USP37: variants seen among roughly 807,000 people sequenced by gnomAD.
USP37 encodes the protein ubiquitin carboxyl-terminal hydrolase 37.
A neutral mutation model predicts 124.0 loss-of-function variants in USP37; 27 were observed. That is an observed-to-expected ratio of 0.22 (90% CI 0.16 to 0.30). USP37 has a LOEUF of 0.30. Among genes scored for constraint, USP37 ranks in the 10% least tolerant of loss-of-function variants. The pLI is 1.00. For missense variants in USP37, 889 were observed against 1,140.4 expected, an observed-to-expected ratio of 0.78 and a Z score of 3.17; for synonymous variants, 365 against 388.0, an observed-to-expected ratio of 0.94 and a Z score of 0.70.
intron 14 of USP37, among the ~76,000 whole-genome samples, chr2:218,488,788 A>T (rs1342682574): frequency 6.6e-6 from 1 of 152,016 alleles, no homozygotes; most frequent in Non-Finnish European, 1.5e-5. Flanking sequence ...GGCATGCGCC[A>T]CCATGCCCGG....
chr2:218,492,036 CA>C (rs1290552570), intron 14 of USP37, among the ~76,000 whole-genome samples: 1 of 151,872 alleles, frequency 6.6e-6, no homozygotes, highest in Non-Finnish European at 1.5e-5. Flanking sequence ...CCAATCTCTA[CA>C]AAAAATCAAA....
intron 2 of USP37, among the ~76,000 whole-genome samples, chr2:218,562,109 A>G (rs2106063495): frequency 6.6e-6 from 1 of 152,360 alleles, no homozygotes; most frequent in East Asian, 1.9e-4. Context: ...TAATGCCTCA[A>G]TTTAGTTCAT....
chr2:218,469,025 A>G (rs949762379), intron 20 of USP37, among the ~76,000 whole-genome samples: 13 of 152,174 alleles, frequency 8.5e-5, no homozygotes, highest in African/African-American at 2.4e-4. Context: ...TGGCACAGGT[A>G]ACCCTGAAGC....
chr2:218,503,576 G>A (rs1348216123), intron 11 of USP37, among the ~76,000 whole-genome samples: 3 of 152,136 alleles, frequency 2.0e-5, no homozygotes, highest in Non-Finnish European at 2.9e-5. Flanking sequence ...TCAGCAGGGC[G>A]TGGTAGCACA....
Position 218,482,179 on chromosome 2 carries a change from T to C in USP37, c.1726A>G (p.Asn576Asp). 1 of 1,614,080 alleles carries C rather than the reference T, an allele frequency of 6.2e-7. No homozygotes were observed. The highest frequency in any genetic ancestry group is 1.1e-5 in the South Asian group (1 of 91,080). The change falls in exon 17 of 26, where the codon AAT becomes GAT. Residue 576 changes from asparagine to aspartate, a missense_variant. Coordinates refer to ENST00000258399, the MANE Select transcript of USP37 (RefSeq NM_020935.3). ...YSFNVALSLN[N>D]KIGQQVIIPR... is the part of the protein sequence containing the mutation. ...ATGATGACTTGCTGCCCAATCTTATTGTTAAGCGAGAGAGCCACATTGAAG... is the reference window on the plus strand; with the variant it reads ...ATGATGACTTGCTGCCCAATCTTATCGTTAAGCGAGAGAGCCACATTGAAG...
At chr2:218,466,984 G>T (rs993503878) in intron 20 of USP37, among the ~76,000 whole-genome samples, 1 of 152,138 alleles carries the variant, frequency 6.6e-6, no homozygotes, top group African/African-American at 2.4e-5. Context: ...GCCCGCCTTG[G>T]GCTCCCAAAA....
At chr2:218,516,265 T>C (rs187736283) in intron 10 of USP37, among the ~76,000 whole-genome samples, 2 of 152,262 alleles carry the variant, frequency 1.3e-5, no homozygotes, top group African/African-American at 2.4e-5. Context: ...CTATTTACAA[T>C]AGCAAAGACT....
In USP37 at chr2:218,482,159, G is replaced by T; in HGVS notation, c.1746C>A (p.Val582=). The part of the protein sequence containing the change: ...LSLNNKIGQQ[V]IIPRYLTLSS... Reference sequence around the variant, plus strand: ...ACAGGGTCAGGTATCTTGGAATGATGACTTGCTGCCCAATCTTATTGTTAA... The same window carrying T: ...ACAGGGTCAGGTATCTTGGAATGATTACTTGCTGCCCAATCTTATTGTTAA... The change falls in exon 17 of 26, where the codon GTC becomes GTA. Residue 582 remains valine, a synonymous_variant. Transcript: ENST00000258399. 6.2e-7 allele frequency: 1 copy of T among 1,613,988 alleles called. No homozygotes were observed. Among genetic ancestry groups the T allele is most frequent in the East Asian group, 2.2e-5 (1 of 44,872 alleles).
At position 218,547,042 on chromosome 2, in the gene USP37, C is replaced by T. The variant is rs1365940550; in HGVS notation, c.479G>A (p.Arg160Gln). 2.3e-5 allele frequency: 37 copies of T among 1,610,966 alleles called. No homozygotes were observed. In the East Asian group the frequency reaches 6.9e-4, roughly 30 times the overall value. ...SLETKDDIPF[R>Q]KVLGNPGRGS... ...TCTACCCGGATTACCAAGAACTTTT[C>T]GAAATGGAATATCATCTTTAGTTTC... Residue 160 changes from arginine (R) to glutamine (Q), a missense_variant, in exon 7 of 26, where the codon CGA becomes CAA. Around this residue, in one of 3 missense-constraint regions of USP37, gnomAD observed 374 missense variants for 386.0 expected, o/e 0.97. Coordinates refer to ENST00000258399, the MANE Select transcript of USP37 (RefSeq NM_020935.3).
chr2:218,524,609 GTTATT>G (rs549500810), intron 10 of USP37, among the ~76,000 whole-genome samples: 156 of 152,264 alleles, frequency 1.0e-3, no homozygotes, highest in African/African-American at 3.1e-3. Context: ...CTGGAAGGAT[GTTATT>G]TTATTTTATT....
At chr2:218,464,242 T>A (rs1690188317) in intron 21 of USP37, among the ~76,000 whole-genome samples, 1 of 151,598 alleles carries the variant, frequency 6.6e-6, no homozygotes, top group Non-Finnish European at 1.5e-5. Context: ...TAGATTTCTT[T>A]TTTTTTTTTT....
chr2:218,562,994 T>G (rs920091581), intron 1 of USP37, among the ~76,000 whole-genome samples, 181 bp from the exon 2 acceptor site: 6 of 151,770 alleles, frequency 4.0e-5, no homozygotes, highest in Non-Finnish European at 8.8e-5. Flanking sequence ...AGAAACCCCG[T>G]CTCTACTAAA....
intron 15 of USP37, among the ~76,000 whole-genome samples, chr2:218,488,088 G>C (rs1253912933): frequency 6.7e-6 from 1 of 148,894 alleles, no homozygotes; most frequent in Non-Finnish European, 1.5e-5. Context: ...GAGGTGGGAG[G>C]ACCGCTTGAA....
chr2:218,462,859 C>A (rs579610), intron 22 of USP37, among the ~76,000 whole-genome samples: 91,903 of 151,696 alleles, frequency 0.61, 28,038 homozygotes, highest in East Asian at 0.78. Context: ...GGTTCTATTT[C>A]TTTACCTGGG....
chr2:218,504,488 C>T (rs1056353848), intron 11 of USP37, among the ~76,000 whole-genome samples: 11 of 152,264 alleles, frequency 7.2e-5, no homozygotes, highest in Middle Eastern at 6.8e-3. Flanking sequence ...CACAGTGGCA[C>T]GACCATAGCT....
chr2:218,501,022 G>A (rs1689350834), intron 11 of USP37: 2 of 159,114 alleles, frequency 1.3e-5, no homozygotes, highest in African/African-American at 2.5e-5. Context: ...GTCACAGTCA[G>A]ATCGCCCTCA....
At chr2:218,528,597 A>G (rs1306332477) in intron 10 of USP37, 3 of 397,746 alleles carry the variant, frequency 7.5e-6, no homozygotes, top group Non-Finnish European at 1.3e-5. Context: ...TGCAAAGGAC[A>G]TGAACTCATC....
At chr2:218,522,172 C>T (rs1397660691) in intron 10 of USP37, among the ~76,000 whole-genome samples, 3 of 151,824 alleles carry the variant, frequency 2.0e-5, no homozygotes, top group Non-Finnish European at 4.4e-5. Flanking sequence ...GTCACCACAC[C>T]GCACCAACAT....
At chr2:218,558,337 A>G (rs1693138159) in intron 4 of USP37, among the ~76,000 whole-genome samples, 161 bp downstream of exon 4, 1 of 152,246 alleles carries the variant, frequency 6.6e-6, no homozygotes, top group Non-Finnish European at 1.5e-5. Flanking sequence ...ACTGATGAAT[A>G]ATTTATAAAA....
Sources: gnomAD v4.1 joint callset for allele counts (sites outside exome capture counted in the v4.1 genomes callset) on GRCh38, gnomAD v4.1.1 for gene constraint, gnomAD v4.1.1 regional missense constraint, MANE v1.5 for transcripts, NCBI Gene and HGNC (gene_info 2026-07-23, HGNC 2026-07-21) for gene names.